ANKS1B: variants seen among roughly 807,000 people sequenced by gnomAD.
The protein encoded by ANKS1B is ankyrin repeat and sterile alpha motif domain containing 1B.
ANKS1B carries 36 observed loss-of-function variants against 148.3 expected under a neutral mutation model. That is an observed-to-expected ratio of 0.24 (90% CI 0.19 to 0.32). The LOEUF (loss-of-function observed/expected upper bound fraction) is 0.32, where lower values mean the gene tolerates loss of function less well. ANKS1B is among the 10% of genes least tolerant of loss of function. ANKS1B has a pLI of 1.00. For synonymous variants in ANKS1B, 542 were observed against 560.8 expected (o/e 0.97, Z 0.47); for missense variants, 1,157 against 1,542.6 (o/e 0.75, Z 4.19).
intron 14 of ANKS1B, among the ~76,000 whole-genome samples, chr12:99,202,539 C>T (rs1194386185): frequency 1.3e-5 from 2 of 152,196 alleles, no homozygotes; most frequent in East Asian, 3.9e-4. Flanking sequence ...CCATTCTATA[C>T]TGAACACTTC....
At chr12:99,141,693 T>G (rs2070843787) in intron 15 of ANKS1B, among the ~76,000 whole-genome samples, 1 of 152,018 alleles carries the variant, frequency 6.6e-6, no homozygotes, top group South Asian at 2.1e-4. Flanking sequence ...GGTTTTCTGT[T>G]CCTGTGTTAG....
At chr12:99,584,320 C>T (rs922931249) in intron 9 of ANKS1B, among the ~76,000 whole-genome samples, 1 of 152,146 alleles carries the variant, frequency 6.6e-6, no homozygotes, top group African/African-American at 2.4e-5. Context: ...ATACTATAGG[C>T]CAGGCACCAT....
chr12:99,784,139 TA>T (rs2064706729), intron 4 of ANKS1B, among the ~76,000 whole-genome samples: 1 of 150,920 alleles, frequency 6.6e-6, no homozygotes. Flanking sequence ...CCAAACCTCA[TA>T]CCCTATGCTC....
intron 9 of ANKS1B, among the ~76,000 whole-genome samples, chr12:99,617,044 C>T (rs1346648938): frequency 3.3e-5 from 5 of 152,156 alleles, no homozygotes; most frequent in African/African-American, 9.7e-5. Context: ...TGAGAGAAAG[C>T]TCATCATCAC....
chr12:99,544,684 C>T (rs1355532), intron 9 of ANKS1B, among the ~76,000 whole-genome samples: 66,374 of 151,870 alleles, frequency 0.44, 14,965 homozygotes, highest in South Asian at 0.54. Flanking sequence ...GATGACAGAA[C>T]AAGTGACAAG....
chr12:98,881,424 A>G lies in ANKS1B; in HGVS notation c.2779-49288T>C, dbSNP rs371030994. The stretch of plus-strand genomic sequence containing the variant: ...CCATATTAAACTGTTTTCTATATAA[A>G]TTGGCTTCCTGGTATGCTGACTTGT... On this transcript the variant is annotated intron_variant, in intron 17 of 26. Coordinates refer to ENST00000683438, the MANE Select transcript of ANKS1B (RefSeq NM_001352186.2). Among the ~76,000 whole-genome samples, 140 of 152,274 alleles carry G rather than the reference A, an allele frequency of 9.2e-4. 1 individual carries two copies. The highest frequency in any genetic ancestry group is 1.8e-3 in the Non-Finnish European group (123 of 67,994).
intron 17 of ANKS1B, among the ~76,000 whole-genome samples, chr12:98,863,957 C>T (rs933325602): frequency 1.3e-5 from 2 of 152,106 alleles, no homozygotes; most frequent in Non-Finnish European, 2.9e-5. Context: ...GACATAAACA[C>T]GAGTTTATAT....
At chr12:99,850,292 T>TCTCTCTCTCG (rs2087544858) in intron 1 of ANKS1B, among the ~76,000 whole-genome samples, 1 of 150,676 alleles carries the variant, frequency 6.6e-6, no homozygotes, top group Non-Finnish European at 1.5e-5. Context: ...TCTCTCTCTC[T>TCTCTCTCTCG]CTCTCTCTCT....
intron 15 of ANKS1B, among the ~76,000 whole-genome samples, chr12:99,121,318 G>GGGGGGTGTGTGTGTGTGT (rs796549235): frequency 6.6e-5 from 7 of 105,978 alleles, no homozygotes; most frequent in South Asian, 2.9e-4. Flanking sequence ...TGTGTATGTA[G>GGGGGGTGTGTGTGTGTGT]GTATGTGTGT....
At chr12:98,927,307 T>A (rs946993787) in intron 17 of ANKS1B, among the ~76,000 whole-genome samples, 1 of 152,112 alleles carries the variant, frequency 6.6e-6, no homozygotes, top group African/African-American at 2.4e-5. Context: ...ACTGAGGGAA[T>A]CTTATCACTA....
chr12:99,388,563 C>T (rs2093958327), intron 12 of ANKS1B, among the ~76,000 whole-genome samples: 1 of 152,150 alleles, frequency 6.6e-6, no homozygotes, highest in Non-Finnish European at 1.5e-5. Context: ...TGTTTTCTGC[C>T]TCTCCATAAT....
At chr12:99,033,219 G>A (rs145707515) in intron 17 of ANKS1B, among the ~76,000 whole-genome samples, 9 of 152,304 alleles carry the variant, frequency 5.9e-5, no homozygotes, top group African/African-American at 1.9e-4. Context: ...TTATTCTTAT[G>A]TATAGTGAGG....
chr12:99,025,619 G>A (rs545826279), intron 17 of ANKS1B, among the ~76,000 whole-genome samples: 7 of 152,310 alleles, frequency 4.6e-5, no homozygotes, highest in Admixed American at 1.3e-4. Flanking sequence ...GAAAGGGCAA[G>A]GACAAACTGG....
chr12:99,758,931 T>C (rs1244485481), intron 8 of ANKS1B, among the ~76,000 whole-genome samples: 1 of 151,924 alleles, frequency 6.6e-6, no homozygotes, highest in Non-Finnish European at 1.5e-5. Context: ...GGAATGGATT[T>C]ATTTCAGTAA....
intron 12 of ANKS1B, among the ~76,000 whole-genome samples, chr12:99,272,708 A>T (rs1273317666): frequency 6.6e-6 from 1 of 152,234 alleles, no homozygotes; most frequent in Non-Finnish European, 1.5e-5. Flanking sequence ...TGAACATAAC[A>T]TACATTTTGG....
At chr12:99,878,217 T>C (rs999749958) in intron 1 of ANKS1B, among the ~76,000 whole-genome samples, 5 of 152,292 alleles carry the variant, frequency 3.3e-5, no homozygotes, top group East Asian at 3.9e-4. Flanking sequence ...TCCAGACATC[T>C]TGTTCAGGTT....
intron 16 of ANKS1B, among the ~76,000 whole-genome samples, chr12:99,081,137 ATT>A (rs1443773440): frequency 6.6e-6 from 1 of 152,248 alleles, no homozygotes; most frequent in Non-Finnish European, 1.5e-5. Context: ...AAAAAGACAT[ATT>A]AAAGAATAGC....
intron 12 of ANKS1B, among the ~76,000 whole-genome samples, chr12:99,308,142 A>C (rs2082613609): frequency 6.6e-6 from 1 of 152,084 alleles, no homozygotes; most frequent in South Asian, 2.1e-4. Context: ...TAAAAAATGG[A>C]TTTAAATATT....
At chr12:98,787,855 G>A (rs918399702) in intron 22 of ANKS1B, among the ~76,000 whole-genome samples, 2 of 151,920 alleles carry the variant, frequency 1.3e-5, no homozygotes, top group African/African-American at 4.8e-5. Context: ...AGGAGGTAGA[G>A]GTTGCAGTGA....
Sources: gnomAD v4.1 joint callset for allele counts (sites outside exome capture counted in the v4.1 genomes callset) on GRCh38, gnomAD v4.1.1 for gene constraint, MANE v1.5 for transcripts, NCBI Gene and HGNC (gene_info 2026-07-23, HGNC 2026-07-21) for gene names.